YEATS4: variants seen among roughly 807,000 people sequenced by gnomAD.
The protein encoded by YEATS4 is YEATS domain containing 4.
A neutral mutation model predicts 30.1 loss-of-function variants in YEATS4; 17 were observed. The ratio of observed to expected loss-of-function variants is 0.56; its 90% confidence interval spans 0.39 to 0.85. The LOEUF (loss-of-function observed/expected upper bound fraction) is 0.85. YEATS4 is among the 40% of genes least tolerant of loss of function. The pLI, the probability that YEATS4 is intolerant of heterozygous loss-of-function variation, is 0.00. For synonymous variants in YEATS4, 85 were observed against 87.5 expected (o/e 0.97, Z 0.16); for missense variants, 142 against 268.3 (o/e 0.53, Z 3.29).
At chr12:69,365,574 AT>A (rs377406980) in intron 2 of YEATS4, 58 bp from the exon 3 acceptor site, 46 of 1,249,520 alleles carry the variant, frequency 3.7e-5, no homozygotes, top group South Asian at 5.1e-5. Context: ...CGCTCAGTGT[AT>A]TTTTTTTCCT....
chr12:69,401,867 T>C, the YEATS4 span, among the ~76,000 whole-genome samples: 1 of 152,150 alleles, frequency 6.6e-6, no homozygotes, highest in Non-Finnish European at 1.5e-5. Context: ...CTCACCCTCC[T>C]CTAAACTACC....
the YEATS4 span, among the ~76,000 whole-genome samples, chr12:69,407,364 G>GT: frequency 6.6e-5 from 10 of 152,146 alleles, no homozygotes; most frequent in African/African-American, 2.4e-4. Context: ...CTGGTACATG[G>GT]TAGGTGCTGA....
chr12:69,413,068 A>G, the YEATS4 span, among the ~76,000 whole-genome samples: 1 of 152,234 alleles, frequency 6.6e-6, no homozygotes, highest in Non-Finnish European at 1.5e-5. Flanking sequence ...AGAATGAACT[A>G]GAAACACTGG....
chr12:69,384,202 T>C (rs922908782), intron 6 of YEATS4, among the ~76,000 whole-genome samples: 1 of 152,212 alleles, frequency 6.6e-6, no homozygotes, highest in Non-Finnish European at 1.5e-5. Context: ...TGTGCTTCAT[T>C]ATTGATCACT....
intron 1 of YEATS4, 28 bp downstream of exon 1, chr12:69,360,051 G>C (rs531997511): frequency 6.2e-7 from 1 of 1,608,268 alleles, no homozygotes; most frequent in Non-Finnish European, 8.5e-7. Context: ...CCCTCTTCCG[G>C]GGTGGCTCTC....
In YEATS4 at chr12:69,390,172, AG is replaced by A. The variant is rs1565683726; in HGVS notation, c.541del (p.Glu181LysfsTer3). On this transcript the variant is annotated frameshift_variant, in exon 7 of 7. Coordinates refer to ENST00000247843, the MANE Select transcript of YEATS4 (RefSeq NM_006530.4). LOFTEE classifies it high-confidence loss of function. Reference sequence around the variant, plus strand: ...TTGCAGAGCTTGAAGTGAAAACCAGAGAAAAATTAGAAGCTGCTAAGAAAAA... The same window carrying A: ...TTGCAGAGCTTGAAGTGAAAACCAGAAAAAATTAGAAGCTGCTAAGAAAAA... ...EFAELEVKTR[E>X]KLEAAKKKTS... The A allele has an allele frequency of 6.3e-7, 1 of 1,587,840 alleles. No homozygotes were observed. The highest frequency in any genetic ancestry group is 2.2e-5 in the East Asian group (1 of 44,616).
At chr12:69,419,590 C>A in the YEATS4 span, among the ~76,000 whole-genome samples, 1,231 of 152,262 alleles carry the variant, frequency 8.1e-3, 5 homozygotes, top group Non-Finnish European at 0.013. Flanking sequence ...GACTATGCCT[C>A]ATTCATCTTT....
chr12:69,372,645 C>G (rs1357021537), intron 6 of YEATS4, among the ~76,000 whole-genome samples: 1 of 150,414 alleles, frequency 6.6e-6, no homozygotes, highest in Non-Finnish European at 1.5e-5. Flanking sequence ...AGTGATTCTC[C>G]TCCCTCAGCC....
At chr12:69,385,415 A>G (rs1876236736) in intron 6 of YEATS4, among the ~76,000 whole-genome samples, 1 of 152,230 alleles carries the variant, frequency 6.6e-6, no homozygotes, top group African/African-American at 2.4e-5. Context: ...CTGAGGGCAT[A>G]TGATAGTCAA....
chr12:69,420,536 A>C, the YEATS4 span, among the ~76,000 whole-genome samples: 1 of 151,806 alleles, frequency 6.6e-6, no homozygotes, highest in East Asian at 2.0e-4. Flanking sequence ...TGAGGGAGAG[A>C]CAGGGACAGA....
At chr12:69,383,787 AG>A (rs1876170407) in intron 6 of YEATS4, among the ~76,000 whole-genome samples, 1 of 152,224 alleles carries the variant, frequency 6.6e-6, no homozygotes, top group Admixed American at 6.5e-5. Context: ...AATTGGAGAC[AG>A]ACACTGTGGG....
rs1178810462 is a variant in YEATS4 at position 69,390,475 on chromosome 12, G to A, written c.*159G>A. 1.7e-6 allele frequency: 1 copy of A among 590,958 alleles called. No homozygotes were observed. Among genetic ancestry groups the A allele is most frequent in the South Asian group, 3.8e-5 (1 of 26,028 alleles). 36.6% of individuals were successfully genotyped at this position (590,958 alleles called of 1,614,324 possible). A position where few individuals can be genotyped will look rare whatever the true frequency, so the allele number is the denominator to read the frequency against. On this transcript the variant is annotated 3_prime_UTR_variant, in exon 7 of 7. Coordinates refer to ENST00000247843, the MANE Select transcript of YEATS4 (RefSeq NM_006530.4). ...AGCAATAGGAATTTGTACTATTTAAGCAATCTTTAATGGAAAATATGTGTG... is the reference window on the plus strand; with the variant it reads ...AGCAATAGGAATTTGTACTATTTAAACAATCTTTAATGGAAAATATGTGTG...
chr12:69,361,952 T>G (rs2120885307), intron 1 of YEATS4, among the ~76,000 whole-genome samples: 1 of 152,128 alleles, frequency 6.6e-6, no homozygotes, highest in East Asian at 1.9e-4. Flanking sequence ...TTTAAATCAG[T>G]TTATTTTTTA....
intron 6 of YEATS4, among the ~76,000 whole-genome samples, chr12:69,379,146 T>C (rs1875975505): frequency 6.6e-6 from 1 of 152,214 alleles, no homozygotes; most frequent in African/African-American, 2.4e-5. Flanking sequence ...CATTGTATGT[T>C]ACTTGTTTTT....
chr12:69,375,693 G>C (rs1465903133), intron 6 of YEATS4, among the ~76,000 whole-genome samples: 1 of 152,204 alleles, frequency 6.6e-6, no homozygotes, highest in Non-Finnish European at 1.5e-5. Flanking sequence ...TCGCGGTCAG[G>C]AGCTGGAGAC....
the YEATS4 span, among the ~76,000 whole-genome samples, chr12:69,422,328 G>A: frequency 6.6e-6 from 1 of 152,094 alleles, no homozygotes; most frequent in Non-Finnish European, 1.5e-5. Flanking sequence ...CTTCCAAGAT[G>A]ACAAAGAAAA....
intron 6 of YEATS4, among the ~76,000 whole-genome samples, chr12:69,372,473 C>A (rs1464444135): frequency 7.0e-6 from 1 of 143,004 alleles, no homozygotes; most frequent in East Asian, 2.1e-4. Flanking sequence ...CCTTTACCCA[C>A]CTACCCACTA....
At chr12:69,398,227 G>A in the YEATS4 span, among the ~76,000 whole-genome samples, 1 of 152,126 alleles carries the variant, frequency 6.6e-6, no homozygotes, top group East Asian at 1.9e-4. Flanking sequence ...AAGAATAAAA[G>A]TCATCCAGAT....
chr12:69,376,638 G>C (rs1170872620), intron 6 of YEATS4, among the ~76,000 whole-genome samples: 1 of 152,218 alleles, frequency 6.6e-6, no homozygotes, highest in Non-Finnish European at 1.5e-5. Context: ...TTTTGCATCA[G>C]TGTTCATCAG....
Sources: allele counts gnomAD v4.1 joint callset (sites outside exome capture counted in the v4.1 genomes callset), GRCh38; gene constraint gnomAD v4.1.1; transcripts MANE v1.5; gene names NCBI Gene and HGNC (gene_info 2026-07-23, HGNC 2026-07-21).